CD22: variants seen among roughly 807,000 people sequenced by gnomAD.
CD22 encodes the protein B-cell receptor CD22.
In CD22, 51 loss-of-function variants were observed where a neutral mutation model predicts 94.7. The observed-to-expected ratio is 0.54, with a 90% CI of 0.43 to 0.68. The LOEUF (loss-of-function observed/expected upper bound fraction) is 0.68, where lower values mean the gene tolerates loss of function less well. Ranked by LOEUF, CD22 falls within the 30% of genes least tolerant of loss-of-function variation. CD22 has a pLI of 0.00. For missense variants in CD22, 931 were observed against 1,060.4 expected (o/e 0.88, Z 1.69); for synonymous variants, 424 against 422.5 (o/e 1.00, Z -0.04).
At position 35,332,034 on chromosome 19, in the gene CD22, C is replaced by G. The variant is rs1255050576; in HGVS notation, c.-7C>G. On this transcript the variant is annotated 5_prime_UTR_variant, in exon 2 of 14. Coordinates refer to ENST00000085219, the MANE Select transcript of CD22 (RefSeq NM_001771.4). ...CCCTGCTCAGGCTTGCACCCAGACA[C>G]GACACCATGCATCTCCTCGGCCCCT... 3 of 1,613,876 alleles carry G rather than the reference C, an allele frequency of 1.9e-6. No individual in the cohort carries two copies. The highest frequency in any genetic ancestry group is 2.2e-5 in the East Asian group (1 of 44,870).
intron 3 of CD22, among the ~76,000 whole-genome samples, chr19:35,333,365 G>A (rs2066673001): frequency 6.6e-6 from 1 of 152,010 alleles, no homozygotes; most frequent in African/African-American, 2.4e-5. Context: ...CCAAACTTAG[G>A]GCTGCTCAGA....
rs1262001246 is a variant in CD22 at position 35,346,835 on chromosome 19, C to T, written c.*138C>T. ...ACACACACGCACACACACACACACACACTCACTGCGGAGAACCTTGTGCCT... is the reference window on the plus strand; with the variant it reads ...ACACACACGCACACACACACACACATACTCACTGCGGAGAACCTTGTGCCT... On this transcript the variant is annotated 3_prime_UTR_variant, in exon 14 of 14. Coordinates refer to ENST00000085219, the MANE Select transcript of CD22 (RefSeq NM_001771.4). 13 of 861,520 alleles carry T rather than the reference C, an allele frequency of 1.5e-5. No homozygotes were observed. In the African/African-American group the frequency reaches 1.5e-4, roughly 10 times the overall value. The allele number at this position is 861,520 out of a possible 1,614,324, so 53.4% of individuals were successfully genotyped here.
intron 9 of CD22, among the ~76,000 whole-genome samples, chr19:35,343,635 A>C (rs1439063175): frequency 6.6e-6 from 1 of 152,056 alleles, no homozygotes; most frequent in Non-Finnish European, 1.5e-5. Flanking sequence ...TAATCCCAAC[A>C]CTTTGAGAGG....
chr19:35,341,514 C>G lies in CD22; in HGVS notation c.1679C>G (p.Ser560Cys), dbSNP rs767514089. The part of the protein sequence containing the change: ...LGKESQLNFD[S>C]ISPEDAGSYS... Reference sequence around the variant, plus strand: ...AAAGAAAGCCAGCTGAATTTTGACTCCATCTCCCCAGAAGATGCTGGGAGT... The same window carrying G: ...AAAGAAAGCCAGCTGAATTTTGACTGCATCTCCCCAGAAGATGCTGGGAGT... Residue 560 changes from serine (S) to cysteine (C), a missense_variant, in exon 8 of 14, where the codon TCC (serine) becomes TGC (cysteine). Coordinates refer to ENST00000085219, the MANE Select transcript of CD22 (RefSeq NM_001771.4). This position sits in a 1 kb window ranked among gnomAD's most constrained non-coding sequence, Gnocchi z 4.0. 1.2e-6 allele frequency: 2 copies of G among 1,614,130 alleles called. No individual in the cohort carries two copies. Among genetic ancestry groups the G allele is most frequent in the Non-Finnish European group, 1.7e-6 (2 of 1,180,016 alleles).
At chr19:35,340,614 C>G (rs999546361) in intron 6 of CD22, among the ~76,000 whole-genome samples, 2 of 152,204 alleles carry the variant, frequency 1.3e-5, no homozygotes, top group African/African-American at 4.8e-5. Context: ...TAAACTGAGA[C>G]CTGCAGCCCA....
At chr19:35,343,370 C>G in intron 9 of CD22, among the ~76,000 whole-genome samples, 1 of 152,180 alleles carries the variant, frequency 6.6e-6, no homozygotes, top group East Asian at 1.9e-4. Flanking sequence ...AAGGTCCTCA[C>G]TGCACACAGT....
Position 35,337,880 on chromosome 19 carries a change from G to A in CD22, c.844G>A (p.Asp282Asn). 1 of 1,614,230 alleles carries A rather than the reference G, an allele frequency of 6.2e-7. No individual in the cohort carries two copies. The highest frequency in any genetic ancestry group is 8.5e-7 in the Non-Finnish European group (1 of 1,180,026). Residue 282 changes from aspartate (D) to asparagine (N), a missense_variant, in exon 5 of 14, where the codon GAT (aspartate) becomes AAT (asparagine). By Grantham distance (23) the Asp-to-Asn change is conservative. Coordinates refer to ENST00000085219, the MANE Select transcript of CD22 (RefSeq NM_001771.4). The surrounding 1 kb of genome is among the most constrained non-coding windows in gnomAD (Gnocchi z 4.4). ...PEYTTVSWLK[D>N]GTSLKKQNTF... ...GTACACGACGGTATCCTGGCTCAAG[G>A]ATGGGACCTCGCTGAAGAAGCAGAA...
chr19:35,336,967 C>T (rs752047891), intron 4 of CD22, among the ~76,000 whole-genome samples: 1 of 151,828 alleles, frequency 6.6e-6, no homozygotes, highest in Admixed American at 6.6e-5. Context: ...AGGCCGGGTG[C>T]GGTGGCTCAC....
chr19:35,329,717 C>G (rs966819148), intron 1 of CD22: 1 of 160,106 alleles, frequency 6.2e-6, no homozygotes, highest in African/African-American at 2.4e-5. Context: ...GATGCTCCAG[C>G]CCGTCCCAGA....
At position 35,332,083 on chromosome 19, in the gene CD22, T is replaced by C. The variant is rs760012852; in HGVS notation, c.34+9T>C. 1.2e-5 allele frequency: 20 copies of C among 1,613,924 alleles called. No individual in the cohort carries two copies. The highest frequency in any genetic ancestry group is 1.7e-5 in the Non-Finnish European group (20 of 1,179,906). ...CTGGCTCCTGCTCCTGGGTAAGGACTGTGGCCTGGGCTAGTACTGGGGTTC... is the reference window on the plus strand; with the variant it reads ...CTGGCTCCTGCTCCTGGGTAAGGACCGTGGCCTGGGCTAGTACTGGGGTTC... On this transcript the variant is annotated intron_variant, in intron 2 of 13. Coordinates refer to ENST00000085219, the MANE Select transcript of CD22 (RefSeq NM_001771.4).
At position 35,337,677 on chromosome 19, in the gene CD22, A is replaced by C; in HGVS notation, c.719-78A>C. 4.6e-6 allele frequency: 6 copies of C among 1,315,552 alleles called. No individual in the cohort carries two copies. The highest frequency in any genetic ancestry group is 6.3e-6 in the Non-Finnish European group (6 of 956,824). The allele number at this position is 1,315,552 out of a possible 1,614,324, so 81.5% of individuals were successfully genotyped here. A position where few individuals can be genotyped will look rare whatever the true frequency, so the allele number is the denominator to read the frequency against. On this transcript the variant is annotated intron_variant, in intron 4 of 13. Transcript: ENST00000085219. This position sits in a 1 kb window ranked among gnomAD's most constrained non-coding sequence, Gnocchi z 4.4. ...GGGACTGGCAGGCCATGGCTTTGTC[A>C]GAATAAAAGCACTTTCCACACCCTC...
chr19:35,335,034 C>A (rs1368674275), intron 3 of CD22, among the ~76,000 whole-genome samples: 1 of 142,330 alleles, frequency 7.0e-6, no homozygotes, highest in African/African-American at 2.6e-5. Flanking sequence ...GCTGAGATCA[C>A]GCCACTACAC....
intron 3 of CD22, among the ~76,000 whole-genome samples, chr19:35,335,784 G>A (rs766339824): frequency 6.3e-4 from 95 of 151,898 alleles, no homozygotes; most frequent in Non-Finnish European, 1.1e-3. Flanking sequence ...GAACTGGGGA[G>A]GTAGAGGTTA....
intron 6 of CD22, 48 bp downstream of exon 6, chr19:35,338,479 G>C: frequency 6.4e-7 from 1 of 1,574,496 alleles, no homozygotes; most frequent in East Asian, 2.2e-5. Context: ...GATGGACACA[G>C]GGAACGGGGA....
chr19:35,342,079 C>T (rs1031431391), intron 9 of CD22, 114 bp downstream of exon 9: 5 of 967,388 alleles, frequency 5.2e-6, no homozygotes, highest in Non-Finnish European at 7.5e-6. Flanking sequence ...TCTTTTCCTC[C>T]TCCTCTTCTT....
At chr19:35,333,751 A>G (rs2066678930) in intron 3 of CD22, among the ~76,000 whole-genome samples, 3 of 152,040 alleles carry the variant, frequency 2.0e-5, no homozygotes, top group South Asian at 2.1e-4. Context: ...GGGTCTTGCT[A>G]TGTTGCCAGG....
At chr19:35,333,057 G>A (rs1220309515) in intron 3 of CD22, 133 bp downstream of exon 3, 32 of 894,942 alleles carry the variant, frequency 3.6e-5, no homozygotes, top group Non-Finnish European at 4.2e-5. Context: ...AGCGGATGAC[G>A]ATGGCGATGC....
At chr19:35,343,659 A>G (rs2066852524) in intron 9 of CD22, among the ~76,000 whole-genome samples, 1 of 152,070 alleles carries the variant, frequency 6.6e-6, no homozygotes, top group African/African-American at 2.4e-5. Flanking sequence ...TGGTGGGAGG[A>G]TCACTTGAGC....
At chr19:35,331,875 C>T in intron 1 of CD22, 144 bp from the exon 2 acceptor site, 1 of 1,514,564 alleles carries the variant, frequency 6.6e-7, no homozygotes, top group Admixed American at 2.2e-5. Context: ...CCGTGAGCAT[C>T]CCAAATGCCA....
Sources: allele counts gnomAD v4.1 joint callset (sites outside exome capture counted in the v4.1 genomes callset), GRCh38; gene constraint gnomAD v4.1.1; non-coding constraint Gnocchi (gnomAD v3.1); transcripts MANE v1.5; gene names NCBI Gene and HGNC (gene_info 2026-07-23, HGNC 2026-07-21).